ZNF423: variants seen among roughly 807,000 people sequenced by gnomAD.
ZNF423 encodes zinc finger protein 423.
A neutral mutation model predicts 95.8 loss-of-function variants in ZNF423; 12 were observed. The ratio of observed to expected loss-of-function variants is 0.13; its 90% confidence interval spans 0.08 to 0.20. The LOEUF is 0.20. Among genes scored for constraint, ZNF423 ranks in the 10% least tolerant of loss-of-function variants. ZNF423 has a pLI of 1.00. For missense variants in ZNF423, 1,316 were observed against 1,737.1 expected, an observed-to-expected ratio of 0.76 and a Z score of 4.31; for synonymous variants, 749 against 711.9, an observed-to-expected ratio of 1.05 and a Z score of -0.83.
rs769834952 is a variant in ZNF423 at position 49,636,537 on chromosome 16, T to A, written c.2639A>T (p.His880Leu). The A allele has an allele frequency of 1.3e-5, 21 of 1,613,830 alleles. No homozygotes were observed. Among genetic ancestry groups the A allele is most frequent in the Non-Finnish European group, 1.4e-5 (16 of 1,180,044 alleles). ...GTCCACGTCATCCTCGCTGGCCTCA[T>A]GGCTGTTAGGTGCCTCAGGGTTCTT... ...LLKNPEAPNS[H>L]EASEDDVDAS... Residue 880 changes from histidine (H) to leucine (L), a missense_variant, in exon 4 of 8, where the codon CAT becomes CTT. Physicochemically the swap from His to Leu is moderately conservative, Grantham distance 99. Transcript: ENST00000563137. This position sits in a 1 kb window ranked among gnomAD's most constrained non-coding sequence, Gnocchi z 8.6.
At chr16:49,505,096 T>A (rs186829939) in intron 7 of ZNF423, among the ~76,000 whole-genome samples, 1 of 152,238 alleles carries the variant, frequency 6.6e-6, no homozygotes, top group Non-Finnish European at 1.5e-5. Flanking sequence ...TTTCTGACTC[T>A]GCAAGCCTTT....
intron 5 of ZNF423, among the ~76,000 whole-genome samples, chr16:49,586,827 T>C (rs897048173): frequency 1.3e-5 from 2 of 152,212 alleles, no homozygotes; most frequent in Non-Finnish European, 2.9e-5. Flanking sequence ...AGTCCCCGGA[T>C]GCCAACATGA....
At chr16:49,629,998 G>C (rs1426079402) in intron 4 of ZNF423, among the ~76,000 whole-genome samples, 2 of 152,254 alleles carry the variant, frequency 1.3e-5, no homozygotes, top group East Asian at 3.8e-4. Context: ...TCCAGGACCT[G>C]CTCTGACAAA....
At chr16:49,579,524 C>T (rs1325628881) in intron 5 of ZNF423, among the ~76,000 whole-genome samples, 1 of 152,058 alleles carries the variant, frequency 6.6e-6, no homozygotes, top group African/African-American at 2.4e-5. Flanking sequence ...CCGTGGGGAG[C>T]TTGGGAGTGG....
chr16:49,702,815 C>G (rs571517267), intron 3 of ZNF423, among the ~76,000 whole-genome samples: 1 of 152,210 alleles, frequency 6.6e-6, no homozygotes, highest in Non-Finnish European at 1.5e-5. Context: ...CAGCCCCACA[C>G]GCTTCCAAGC....
chr16:49,491,228 C>A lies in ZNF423; in HGVS notation c.*47G>T. 1 of 1,613,014 alleles carries A rather than the reference C, an allele frequency of 6.2e-7. No individual in the cohort carries two copies. On this transcript the variant is annotated 3_prime_UTR_variant, in exon 8 of 8. Coordinates refer to ENST00000563137, the MANE Select transcript of ZNF423 (RefSeq NM_001379286.1). ...AATGTTCAAATGGCCCTCCCCACGG[C>A]GTCTCCGGCAAGCCTTCTGCGGAGA... is the stretch of plus-strand genomic sequence containing the variant.
At chr16:49,572,965 G>C (rs1269282251) in intron 5 of ZNF423, among the ~76,000 whole-genome samples, 1 of 152,226 alleles carries the variant, frequency 6.6e-6, no homozygotes, top group East Asian at 1.9e-4. Context: ...GGAGTGCATA[G>C]TACATGTAGG....
intron 5 of ZNF423, among the ~76,000 whole-genome samples, chr16:49,590,414 G>A (rs1970977093): frequency 6.6e-6 from 1 of 152,132 alleles, no homozygotes; most frequent in Non-Finnish European, 1.5e-5. Flanking sequence ...AGGCATCACG[G>A]CTGCTTCGGG....
intron 3 of ZNF423, among the ~76,000 whole-genome samples, chr16:49,702,909 GCA>G (rs66522223): frequency 0.12 from 18,194 of 147,344 alleles, 1,128 homozygotes; most frequent in African/African-American, 0.14. Flanking sequence ...GTGTGCACAC[GCA>G]CACACACACA....
chr16:49,755,541 A>G (rs560823082), intron 2 of ZNF423, among the ~76,000 whole-genome samples: 4 of 152,238 alleles, frequency 2.6e-5, no homozygotes, highest in Non-Finnish European at 5.9e-5. Context: ...ACACATGCAC[A>G]CATTGTGGCT....
intron 2 of ZNF423, among the ~76,000 whole-genome samples, chr16:49,775,806 G>A (rs1454642414): frequency 6.6e-6 from 1 of 152,180 alleles, no homozygotes; most frequent in Non-Finnish European, 1.5e-5. Context: ...ATAACTGGTG[G>A]TGAATCAGGA....
intron 1 of ZNF423, among the ~76,000 whole-genome samples, chr16:49,830,084 A>T (rs1374905432): frequency 6.6e-6 from 1 of 152,202 alleles, no homozygotes. Flanking sequence ...AACTCACATG[A>T]CATTAAAAAG....
chr16:49,495,832 G>A (rs1040731919), intron 7 of ZNF423, among the ~76,000 whole-genome samples: 1 of 152,266 alleles, frequency 6.6e-6, no homozygotes, highest in Admixed American at 6.5e-5. Flanking sequence ...CCTCTCCCTA[G>A]TGTGAAGCCC....
chr16:49,745,410 C>T (rs1221061612), intron 2 of ZNF423, among the ~76,000 whole-genome samples: 2 of 152,212 alleles, frequency 1.3e-5, no homozygotes, highest in African/African-American at 2.4e-5. Context: ...AGCAGACATC[C>T]TCTGAAAGGC....
intron 5 of ZNF423, among the ~76,000 whole-genome samples, chr16:49,617,086 C>T (rs1596722542): frequency 6.6e-6 from 1 of 152,186 alleles, no homozygotes; most frequent in East Asian, 1.9e-4. Context: ...CTTCCTACTT[C>T]CACTGCTGGG....
At chr16:49,576,570 G>A (rs534905061) in intron 5 of ZNF423, among the ~76,000 whole-genome samples, 16 of 152,302 alleles carry the variant, frequency 1.1e-4, no homozygotes, top group African/African-American at 3.6e-4. Flanking sequence ...CGTAGCTCAA[G>A]GCCAACCCTT....
At chr16:49,511,289 C>T (rs898457598) in intron 7 of ZNF423, among the ~76,000 whole-genome samples, 16 of 152,326 alleles carry the variant, frequency 1.1e-4, no homozygotes, top group Admixed American at 3.9e-4. Context: ...CCCTCTAGAA[C>T]GCCTGCCTCG....
chr16:49,517,843 G>T (rs1242439606), intron 7 of ZNF423: 13 of 416,744 alleles, frequency 3.1e-5, no homozygotes, highest in Non-Finnish European at 5.6e-5. Flanking sequence ...TACTGTTCCC[G>T]CTTTGCTCCA....
At position 49,830,895 on chromosome 16, in the gene ZNF423, C is replaced by T. The variant is rs555656575; in HGVS notation, c.40+24840G>A. 2.6e-5 allele frequency among the ~76,000 whole-genome samples: 4 copies of T among 152,246 alleles called. No homozygotes were observed. In the South Asian group the frequency reaches 6.2e-4, roughly 24 times the overall value. On this transcript the variant is annotated intron_variant, in intron 1 of 7. Transcript: ENST00000563137. ...TGAGCTTTTCCGAACTTGGATTGCA[C>T]ATCTTGCAGCTCGAAGCATCCCAGG...
Sources: allele counts gnomAD v4.1 joint callset (sites outside exome capture counted in the v4.1 genomes callset), GRCh38; gene constraint gnomAD v4.1.1; non-coding constraint Gnocchi (gnomAD v3.1); transcripts MANE v1.5; gene names NCBI Gene and HGNC (gene_info 2026-07-23, HGNC 2026-07-21).